The following SVIL variants were observed in gnomAD, a reference collection of about 807,000 sequenced individuals.
SVIL encodes supervillin.
In SVIL, 101 loss-of-function variants were observed where a neutral mutation model predicts 240.4. That is an observed-to-expected ratio of 0.42 (90% confidence interval 0.36 to 0.50). SVIL has a LOEUF of 0.50. Ranked by LOEUF, SVIL falls within the 20% of genes least tolerant of loss-of-function variation. SVIL has a pLI of 0.01. For missense variants in SVIL, 2,512 were observed against 2,818.7 expected (o/e 0.89, Z 2.46); for synonymous variants, 999 against 1,100.0 (o/e 0.91, Z 1.82).
Position 29,533,279 on chromosome 10 carries a change from G to A in SVIL, c.1088C>T (p.Pro363Leu). Residue 363 changes from proline to leucine, a missense_variant, in exon 8 of 38, where the codon CCA becomes CTA. Around this residue, in one of 3 missense-constraint regions of SVIL, gnomAD observed 1,443 missense variants for 1,486.6 expected, o/e 0.97. Transcript: ENST00000355867. ...PSKAAGSTRQ[P>L]IRGYVQPADT... ...TGCGGGTTGGACATAGCCACGGATTGGCTGTCGTGTAGAGCCTGCTGCCTT... is the reference window on the plus strand; with the variant it reads ...TGCGGGTTGGACATAGCCACGGATTAGCTGTCGTGTAGAGCCTGCTGCCTT... The A allele has an allele frequency of 1.2e-6, 2 of 1,614,108 alleles. No individual in the cohort carries two copies. The highest frequency in any genetic ancestry group is 1.7e-6 in the Non-Finnish European group (2 of 1,180,018).
intron 21 of SVIL, 141 bp downstream of exon 21, chr10:29,493,073 T>C (rs186925477): frequency 3.3e-5 from 34 of 1,045,088 alleles, no homozygotes; most frequent in Non-Finnish European, 4.3e-5. Context: ...CACCTTGCCC[T>C]GGCTCTAGAA....
In SVIL at chr10:29,458,031, C is replaced by G. The variant is rs1943757165; in HGVS notation, c.*216G>C. 2.0e-6 allele frequency: 1 copy of G among 512,754 alleles called. No individual in the cohort carries two copies. The highest frequency in any genetic ancestry group is 3.3e-5 in the East Asian group (1 of 30,456). 31.8% of individuals were successfully genotyped at this position (512,754 alleles called of 1,614,324 possible). ...CAGATACTTTTATTAATTCTGATAA[C>G]CTCCTGAATGGTGGAAAGAAGTTTC... On this transcript the variant is annotated 3_prime_UTR_variant, in exon 38 of 38. Transcript: ENST00000355867.
intron 1 of SVIL, among the ~76,000 whole-genome samples, chr10:29,596,938 G>A (rs1422374932): frequency 1.3e-5 from 2 of 152,188 alleles, no homozygotes; most frequent in South Asian, 2.1e-4. Context: ...GCTACGATGA[G>A]GAGACTGATC....
chr10:29,651,337 T>G (rs548061992), intron 3 of SVIL, among the ~76,000 whole-genome samples: 14 of 152,300 alleles, frequency 9.2e-5, no homozygotes, highest in African/African-American at 2.9e-4. Flanking sequence ...GGTGCCAAAT[T>G]GTCTCCACTG....
intron 2 of SVIL, among the ~76,000 whole-genome samples, chr10:29,674,343 G>T (rs1046919497): frequency 1.3e-5 from 2 of 152,000 alleles, no homozygotes; most frequent in African/African-American, 4.8e-5. Flanking sequence ...AAAAAGTGGG[G>T]GGTGTTTCTT....
intron 7 of SVIL, among the ~76,000 whole-genome samples, chr10:29,535,692 T>C (rs1209859507): frequency 6.6e-6 from 1 of 152,116 alleles, no homozygotes; most frequent in Non-Finnish European, 1.5e-5. Flanking sequence ...CTACTGCCCC[T>C]CACTGGCCAG....
chr10:29,554,733 AAC>A (rs1174285719), intron 5 of SVIL, 48 bp downstream of exon 5: 2 of 1,477,196 alleles, frequency 1.4e-6, no homozygotes, highest in East Asian at 4.8e-5. Context: ...GGCAACTCGT[AAC>A]CAGCCAGGCA....
At chr10:29,603,246 G>A (rs1035155672) in intron 1 of SVIL, among the ~76,000 whole-genome samples, 5 of 150,196 alleles carry the variant, frequency 3.3e-5, no homozygotes, top group African/African-American at 7.4e-5. Flanking sequence ...CCTCATCCTC[G>A]TATCACAGAG....
chr10:29,610,344 C>G (rs1957196730), intron 1 of SVIL, among the ~76,000 whole-genome samples: 1 of 152,108 alleles, frequency 6.6e-6, no homozygotes, highest in Admixed American at 6.6e-5. Flanking sequence ...GCCACAGCAT[C>G]TGTTCCTTCC....
chr10:29,736,468 T>C (rs1281879903), upstream of SVIL, among the ~76,000 whole-genome samples: 1 of 152,150 alleles, frequency 6.6e-6, no homozygotes, highest in Non-Finnish European at 1.5e-5. Flanking sequence ...AGGGCCGCCC[T>C]ATCGCTCTCC....
chr10:29,610,627 C>T (rs943152503), intron 1 of SVIL, among the ~76,000 whole-genome samples: 6 of 151,978 alleles, frequency 3.9e-5, no homozygotes, highest in Admixed American at 2.6e-4. Context: ...CACCATGTTG[C>T]CCAGGCTGAT....
At chr10:29,720,490 G>T (rs2132691957) in intron 1 of SVIL, among the ~76,000 whole-genome samples, 1 of 152,218 alleles carries the variant, frequency 6.6e-6, no homozygotes, top group Non-Finnish European at 1.5e-5. Context: ...AAAATGGAAT[G>T]AATTCATCAC....
chr10:29,713,162 T>C (rs1177205440), intron 1 of SVIL, among the ~76,000 whole-genome samples: 1 of 149,558 alleles, frequency 6.7e-6, no homozygotes, highest in African/African-American at 2.5e-5. Flanking sequence ...AGCGACAGAG[T>C]GACAGTCCAT....
intron 2 of SVIL, among the ~76,000 whole-genome samples, chr10:29,565,945 C>T (rs1284179077): frequency 5.3e-5 from 8 of 152,040 alleles, no homozygotes; most frequent in African/African-American, 4.8e-5. Flanking sequence ...TAAAATATGT[C>T]GAATGAATGA....
At chr10:29,540,280 G>A (rs187473020) in intron 6 of SVIL, among the ~76,000 whole-genome samples, 1 of 152,238 alleles carries the variant, frequency 6.6e-6, no homozygotes, top group East Asian at 1.9e-4. Context: ...TGCCCCTTCT[G>A]CTACAGCCCT....
At chr10:29,684,059 GA>G (rs971344823) in intron 2 of SVIL, among the ~76,000 whole-genome samples, 88 of 151,766 alleles carry the variant, frequency 5.8e-4, no homozygotes, top group African/African-American at 2.0e-3. Flanking sequence ...CACCCCCACC[GA>G]AAAAAACTCC....
chr10:29,574,158 T>C (rs1380583791), intron 1 of SVIL, among the ~76,000 whole-genome samples: 2 of 152,166 alleles, frequency 1.3e-5, no homozygotes, highest in African/African-American at 4.8e-5. Context: ...GGGGCAATGC[T>C]TTATGGAAGT....
intron 3 of SVIL, among the ~76,000 whole-genome samples, chr10:29,656,755 A>C (rs1443637379): frequency 6.6e-6 from 1 of 152,136 alleles, no homozygotes; most frequent in Non-Finnish European, 1.5e-5. Context: ...TTTGAGACTG[A>C]GCTCCCATCT....
chr10:29,493,417 A>T, intron 20 of SVIL, 26 bp from the exon 21 acceptor site: 2 of 1,611,628 alleles, frequency 1.2e-6, no homozygotes, highest in Non-Finnish European at 1.7e-6. Context: ...CAAAAGACAT[A>T]AGAGTTTTAT....
Sources: allele counts gnomAD v4.1 joint callset (sites outside exome capture counted in the v4.1 genomes callset), GRCh38; gene constraint gnomAD v4.1.1; regional missense constraint gnomAD v4.1.1; transcripts MANE v1.5; gene names NCBI Gene and HGNC (gene_info 2026-07-23, HGNC 2026-07-21).